FOXP2: variants seen among roughly 807,000 people sequenced by gnomAD.
FOXP2 encodes the protein forkhead box P2.
In FOXP2, 12 loss-of-function variants were observed where a neutral mutation model predicts 115.8. That is an observed-to-expected ratio of 0.10 (90% CI 0.07 to 0.17). The LOEUF (loss-of-function observed/expected upper bound fraction) is 0.17. Ranked by LOEUF, FOXP2 falls within the 10% of genes least tolerant of loss-of-function variation. The pLI is 1.00. For missense variants in FOXP2, 629 were observed against 843.5 expected (o/e 0.75, Z 3.15); for synonymous variants, 328 against 297.7 (o/e 1.10, Z -1.05).
At chr7:114,377,484 A>G (rs1440160881) in intron 2 of FOXP2, among the ~76,000 whole-genome samples, 2 of 152,230 alleles carry the variant, frequency 1.3e-5, no homozygotes, top group Non-Finnish European at 2.9e-5. Context: ...GGGGCATAGG[A>G]CCATGTTCAT....
intron 1 of FOXP2, among the ~76,000 whole-genome samples, chr7:114,187,513 A>G (rs1220826700): frequency 6.6e-6 from 1 of 152,094 alleles, no homozygotes; most frequent in Admixed American, 6.6e-5. Flanking sequence ...GGTCACAACC[A>G]CTTATCTCTA....
At chr7:114,681,258 T>C (rs1487605060) in intron 16 of FOXP2, among the ~76,000 whole-genome samples, 1 of 152,196 alleles carries the variant, frequency 6.6e-6, no homozygotes, top group Non-Finnish European at 1.5e-5. Flanking sequence ...CAAAGTGAGA[T>C]AGATGCTCTT....
chr7:114,356,053 G>A (rs534582833), intron 2 of FOXP2, among the ~76,000 whole-genome samples: 7 of 151,928 alleles, frequency 4.6e-5, no homozygotes, highest in Admixed American at 6.6e-5. Flanking sequence ...TATCTTCATC[G>A]CTATTATTAC....
chr7:114,343,763 CA>C (rs1476329441), intron 2 of FOXP2, among the ~76,000 whole-genome samples: 1 of 151,608 alleles, frequency 6.6e-6, no homozygotes. Flanking sequence ...GAAATTTGCT[CA>C]ATGTCACCTT....
chr7:114,603,437 G>A (rs879602162), intron 3 of FOXP2, among the ~76,000 whole-genome samples: 8 of 152,160 alleles, frequency 5.3e-5, no homozygotes, highest in Admixed American at 1.3e-4. Flanking sequence ...TTTATGCATG[G>A]CATTTCTGCC....
intron 2 of FOXP2, chr7:114,366,503 A>G (rs1311342288): frequency 1.3e-5 from 2 of 152,182 alleles, no homozygotes; most frequent in Non-Finnish European, 2.9e-5. Context: ...TTAACTAAAA[A>G]GCCAGTACTC....
chr7:114,226,087 A>G (rs1262248127), intron 1 of FOXP2, among the ~76,000 whole-genome samples: 1 of 152,122 alleles, frequency 6.6e-6, no homozygotes, highest in African/African-American at 2.4e-5. Flanking sequence ...GAGCTATGAT[A>G]TTATTTGTCT....
chr7:114,664,189 A>G, intron 15 of FOXP2, 84 bp from the exon 16 acceptor site: 3 of 1,399,956 alleles, frequency 2.1e-6, no homozygotes, highest in East Asian at 2.4e-5. Context: ...TCCTTATTGG[A>G]ACCCATTAAA....
intron 2 of FOXP2, among the ~76,000 whole-genome samples, chr7:114,405,704 T>G (rs2129197584): frequency 6.6e-6 from 1 of 151,996 alleles, no homozygotes; most frequent in African/African-American, 2.4e-5. Flanking sequence ...ATATACATGG[T>G]TATTTAAGGT....
intron 1 of FOXP2, among the ~76,000 whole-genome samples, chr7:114,097,705 C>T (rs1423707293): frequency 6.6e-6 from 1 of 152,198 alleles, no homozygotes; most frequent in Non-Finnish European, 1.5e-5. Context: ...TGCTCTCATA[C>T]TGCCTTTCCT....
intron 2 of FOXP2, among the ~76,000 whole-genome samples, chr7:114,360,121 A>C (rs915263302): frequency 1.3e-5 from 2 of 152,064 alleles, no homozygotes; most frequent in Non-Finnish European, 2.9e-5. Flanking sequence ...TGCTGTTCTC[A>C]TGGTAATGTA....
At chr7:114,422,841 A>G (rs1379593014) in intron 1 of FOXP2, among the ~76,000 whole-genome samples, 1 of 151,734 alleles carries the variant, frequency 6.6e-6, no homozygotes, top group African/African-American at 2.4e-5. Flanking sequence ...TAGAACATAT[A>G]ACTCTACGAG....
At chr7:114,192,020 C>A (rs552058420) in intron 1 of FOXP2, among the ~76,000 whole-genome samples, 1 of 152,232 alleles carries the variant, frequency 6.6e-6, no homozygotes, top group Non-Finnish European at 1.5e-5. Flanking sequence ...ATACTGTAAC[C>A]TCCACCTCCT....
chr7:114,318,576 A>C (rs1431101780), intron 2 of FOXP2, among the ~76,000 whole-genome samples: 1 of 151,910 alleles, frequency 6.6e-6, no homozygotes, highest in African/African-American at 2.4e-5. Context: ...ATTTCTAATA[A>C]ATGAATTTAA....
intron 1 of FOXP2, among the ~76,000 whole-genome samples, chr7:114,198,352 C>A (rs545635349): frequency 6.6e-6 from 1 of 152,262 alleles, no homozygotes; most frequent in South Asian, 2.1e-4. Flanking sequence ...TGCAGAAGTC[C>A]TCTCTAGTGG....
chr7:114,320,092 C>A (rs1299165082), intron 2 of FOXP2, among the ~76,000 whole-genome samples: 1 of 111,628 alleles, frequency 9.0e-6, no homozygotes, highest in Non-Finnish European at 2.2e-5. Context: ...CCCATATATA[C>A]TCATAATATA....
intron 10 of FOXP2, chr7:114,654,256 T>G: frequency 1.2e-6 from 1 of 844,654 alleles, no homozygotes; most frequent in Non-Finnish European, 1.7e-6. Context: ...CACAAATCAC[T>G]GCCTTGGGGC....
intron 1 of FOXP2, among the ~76,000 whole-genome samples, chr7:114,254,638 C>G (rs1795554382): frequency 2.0e-5 from 3 of 152,012 alleles, no homozygotes; most frequent in Non-Finnish European, 4.4e-5. Context: ...TGGTTTTCAG[C>G]TCCATCAGTT....
At chr7:114,456,258 G>C (rs1795308625) in intron 2 of FOXP2, among the ~76,000 whole-genome samples, 1 of 152,180 alleles carries the variant, frequency 6.6e-6, no homozygotes, top group African/African-American at 2.4e-5. Flanking sequence ...GGAAGATAAT[G>C]CTAGATCACA....
Sources: gnomAD v4.1 joint callset for allele counts (sites outside exome capture counted in the v4.1 genomes callset) on GRCh38, gnomAD v4.1.1 for gene constraint, MANE v1.5 for transcripts, NCBI Gene and HGNC (gene_info 2026-07-23, HGNC 2026-07-21) for gene names.